DPP3: variants seen among roughly 807,000 people sequenced by gnomAD.
The protein encoded by DPP3 is dipeptidyl peptidase 3.
A neutral mutation model predicts 89.8 loss-of-function variants in DPP3; 64 were observed. The observed-to-expected ratio is 0.71, with a 90% CI of 0.58 to 0.88. DPP3 has a LOEUF of 0.88. Ranked by LOEUF, DPP3 falls within the 40% of genes least tolerant of loss-of-function variation. The probability of loss-of-function intolerance (pLI) is 0.00; values close to 1 mark genes in which losing one functional copy is unlikely to be tolerated. For synonymous variants in DPP3, 377 were observed against 404.3 expected (o/e 0.93, Z 0.81); for missense variants, 835 against 972.5 (o/e 0.86, Z 1.88).
chr11:66,487,893 C>T (rs758523670), intron 5 of DPP3, 21 bp from the exon 6 acceptor site: 1 of 1,611,792 alleles, frequency 6.2e-7, no homozygotes, highest in African/African-American at 1.3e-5. Flanking sequence ...CACTCTTAAC[C>T]CCTGTCCTGG....
chr11:66,491,258 T>C lies in DPP3; in HGVS notation c.673T>C (p.Ser225Pro). The change falls in exon 7 of 18, where the codon TCC becomes CCC. Residue 225 changes from serine to proline, a missense_variant. Ser to Pro is a moderately conservative substitution (Grantham distance 74). Transcript: ENST00000531863. The stretch of plus-strand genomic sequence containing the variant: ...ATGACACCTTCTTTCCCCAGAGCCT[T>C]CCCTGGACTCTGAGGTGACTTCCAA... The part of the protein sequence containing the change: ...RLASVLGSEP[S>P]LDSEVTSKLK... 6.2e-7 allele frequency: 1 copy of C among 1,613,366 alleles called. No individual in the cohort carries two copies. The highest frequency in any genetic ancestry group is 1.3e-5 in the African/African-American group (1 of 75,006).
At chr11:66,487,460 AG>A in intron 5 of DPP3, 118 bp downstream of exon 5, 3 of 1,062,840 alleles carry the variant, frequency 2.8e-6, no homozygotes, top group Non-Finnish European at 4.2e-6. Context: ...GTACTAGGGA[AG>A]GCGCGACCCC....
intron 12 of DPP3, among the ~76,000 whole-genome samples, chr11:66,494,171 T>A (rs1206812801): frequency 6.6e-6 from 1 of 152,058 alleles, no homozygotes; most frequent in Non-Finnish European, 1.5e-5. Context: ...CCGGCCAGAG[T>A]GGCTGGAGCC....
intron 16 of DPP3, among the ~76,000 whole-genome samples, chr11:66,503,897 G>T (rs1481887943): frequency 6.6e-6 from 1 of 151,246 alleles, no homozygotes; most frequent in Non-Finnish European, 1.5e-5. Flanking sequence ...AAAAAAAAAA[G>T]ATCACAAATT....
chr11:66,507,982 G>A (rs770419698), intron 17 of DPP3, among the ~76,000 whole-genome samples: 9 of 152,232 alleles, frequency 5.9e-5, no homozygotes, highest in Non-Finnish European at 1.3e-4. Context: ...CAGCCAGGTC[G>A]CTGTAAAAGC....
Position 66,495,269 on chromosome 11 carries a change from G to C in DPP3, c.1452+1G>C. 3 of 1,613,448 alleles carry C rather than the reference G, an allele frequency of 1.9e-6. No individual in the cohort carries two copies. Among genetic ancestry groups the C allele is most frequent in the Non-Finnish European group, 2.5e-6 (3 of 1,180,022 alleles). ...GATCAACCCAGAGACGGGCGAGCAG[G>C]TGAGGGAGGCCTCAGCAGAGCCCCA... On this transcript the variant is annotated splice_donor_variant, in intron 13 of 17. Transcript: ENST00000531863. LOFTEE classifies it high-confidence loss of function.
intron 17 of DPP3, among the ~76,000 whole-genome samples, chr11:66,505,750 A>AG (rs937042196): frequency 5.3e-4 from 78 of 146,220 alleles, no homozygotes; most frequent in African/African-American, 1.7e-3. Flanking sequence ...TGAAAGAGTG[A>AG]GGTAGGAGGA....
At chr11:66,483,507 A>G (rs542679331) in intron 2 of DPP3, among the ~76,000 whole-genome samples, 2 of 152,238 alleles carry the variant, frequency 1.3e-5, no homozygotes, top group African/African-American at 4.8e-5. Context: ...GTACATTTAA[A>G]TGTACCTCAT....
At chr11:66,496,833 C>T (rs973081570) in intron 15 of DPP3, among the ~76,000 whole-genome samples, 6 of 152,186 alleles carry the variant, frequency 3.9e-5, no homozygotes, top group Non-Finnish European at 5.9e-5. Flanking sequence ...CTGTGTGCCC[C>T]TAAGGAAGTC....
chr11:66,493,470 G>C, intron 11 of DPP3, 71 bp from the exon 12 acceptor site: 1 of 1,512,356 alleles, frequency 6.6e-7, no homozygotes, highest in Non-Finnish European at 9.1e-7. Context: ...TGGCCCAGGG[G>C]AGGGGAGGCC....
intron 2 of DPP3, 96 bp from the exon 3 acceptor site, chr11:66,485,077 A>G (rs1442713138): frequency 3.3e-6 from 4 of 1,198,632 alleles, no homozygotes; most frequent in Non-Finnish European, 4.9e-6. Context: ...CCTCACCCAC[A>G]CTGGCTCTGC....
At chr11:66,493,840 G>T (rs1174518228) in intron 12 of DPP3, among the ~76,000 whole-genome samples, 1 of 152,196 alleles carries the variant, frequency 6.6e-6, no homozygotes, top group African/African-American at 2.4e-5. Context: ...GAGCCTGGGT[G>T]TACATCTGGG....
At position 66,487,934 on chromosome 11, in the gene DPP3, C is replaced by A. The variant is rs562153616; in HGVS notation, c.594C>A (p.Thr198=). 1.2e-6 allele frequency: 2 copies of A among 1,614,026 alleles called. No individual in the cohort carries two copies. Among genetic ancestry groups the A allele is most frequent in the East Asian group, 2.2e-5 (1 of 44,878 alleles). ...LDSQNLSAYN[T]RLFKEVDGEG... ...TCTAGAACCTCAGTGCCTACAACAC[C>A]CGGCTCTTCAAAGAGGTCGATGGAG... Residue 198 remains threonine, a synonymous_variant, in exon 6 of 18, where the codon ACC becomes ACA. Coordinates refer to ENST00000531863, the MANE Select transcript of DPP3 (RefSeq NM_130443.4).
At chr11:66,487,598 C>T (rs1855266868) in intron 5 of DPP3, among the ~76,000 whole-genome samples, 1 of 152,192 alleles carries the variant, frequency 6.6e-6, no homozygotes, top group East Asian at 1.9e-4. Flanking sequence ...AGCCACTCAC[C>T]AGCCATGTGA....
At chr11:66,490,394 C>T (rs369209204) in intron 6 of DPP3, among the ~76,000 whole-genome samples, 2 of 152,128 alleles carry the variant, frequency 1.3e-5, no homozygotes, top group Non-Finnish European at 2.9e-5. Flanking sequence ...AAGGCTGGGC[C>T]GCATTCCTTC....
In DPP3 at chr11:66,487,252, C is replaced by T; in HGVS notation, c.499-16C>T. 4 of 1,613,634 alleles carry T rather than the reference C, an allele frequency of 2.5e-6. No homozygotes were observed. The highest frequency in any genetic ancestry group is 1.1e-5 in the South Asian group (1 of 91,064). Reference sequence around the variant, plus strand: ...TGGCAACTCCTCTTTCTCATGTCCCCTGTCTTCCCCAACAGGGAATCACCA... The same window carrying T: ...TGGCAACTCCTCTTTCTCATGTCCCTTGTCTTCCCCAACAGGGAATCACCA... On this transcript the variant is annotated splice_polypyrimidine_tract_variant and intron_variant, in intron 4 of 17. Transcript: ENST00000531863.
At chr11:66,499,446 C>T (rs982507132) in intron 16 of DPP3, among the ~76,000 whole-genome samples, 2 of 151,876 alleles carry the variant, frequency 1.3e-5, no homozygotes, top group African/African-American at 2.4e-5. Context: ...TTGCTTTATG[C>T]GGCTGCAGTT....
At chr11:66,492,946 A>G in intron 10 of DPP3, 36 bp downstream of exon 10, 1 of 1,596,940 alleles carries the variant, frequency 6.3e-7, no homozygotes, top group East Asian at 2.2e-5. Context: ...AGCCCCAGAA[A>G]CCTTCCTTTA....
intron 17 of DPP3, among the ~76,000 whole-genome samples, chr11:66,508,733 C>T (rs1031402940): frequency 1.8e-4 from 27 of 152,064 alleles, no homozygotes; most frequent in African/African-American, 6.0e-4. Flanking sequence ...TCATGTTGGC[C>T]AAGCTGGTCT....
Sources: allele counts gnomAD v4.1 joint callset (sites outside exome capture counted in the v4.1 genomes callset), GRCh38; gene constraint gnomAD v4.1.1; transcripts MANE v1.5; gene names NCBI Gene and HGNC (gene_info 2026-07-23, HGNC 2026-07-21).